TDRD15: variants seen among roughly 807,000 people sequenced by gnomAD.
TDRD15 encodes tudor domain-containing protein 15.
For synonymous variants in TDRD15, 503 were observed against 314.5 expected, an observed-to-expected ratio of 1.60 and a Z score of -6.34; for missense variants, 1,416 against 904.7, an observed-to-expected ratio of 1.57 and a Z score of -7.25.
Position 21,127,702 on chromosome 2 carries a change from T to G in TDRD15, c.-99T>G, listed in dbSNP as rs1249900982. On this transcript the variant is annotated 5_prime_UTR_variant, in exon 2 of 4. Coordinates refer to ENST00000405799, the MANE Select transcript of TDRD15 (RefSeq NM_001306137.2). ...GAGTGCTGTAACTTTATAATTAGTC[T>G]TAAACTCAGGTAAGCATAAGTTCTC... is the stretch of plus-strand genomic sequence containing the variant. 6.6e-6 allele frequency: 1 copy of G among 152,256 alleles called. No homozygotes were observed. Among genetic ancestry groups the G allele is most frequent in the African/African-American group, 2.4e-5 (1 of 41,484 alleles). 9.4% of individuals were successfully genotyped at this position (152,256 alleles called of 1,614,324 possible). A position where few individuals can be genotyped will look rare whatever the true frequency, so the allele number is the denominator to read the frequency against.
intron 2 of TDRD15, among the ~76,000 whole-genome samples, chr2:21,134,235 G>A (rs922385235): frequency 6.6e-6 from 1 of 151,842 alleles, no homozygotes; most frequent in African/African-American, 2.4e-5. Context: ...GAACTGTGAT[G>A]CTGTGTATTT....
chr2:21,146,753 A>G (rs1666037310), downstream of TDRD15, among the ~76,000 whole-genome samples: 1 of 152,124 alleles, frequency 6.6e-6, no homozygotes, highest in Non-Finnish European at 1.5e-5. Context: ...TATTTTAAAT[A>G]TGAAGTAACA....
intron 2 of TDRD15, among the ~76,000 whole-genome samples, chr2:21,132,010 A>G (rs1016276300): frequency 6.6e-6 from 1 of 152,126 alleles, no homozygotes; most frequent in African/African-American, 2.4e-5. Flanking sequence ...AGTTTTAATT[A>G]GAGTAGTCAG....
intron 1 of TDRD15, among the ~76,000 whole-genome samples, chr2:21,124,817 GGTGTGTGT>G (rs70939068): frequency 1.7e-5 from 2 of 115,798 alleles, no homozygotes; most frequent in Non-Finnish European, 3.5e-5. Flanking sequence ...CTAATGCCAG[GGTGTGTGT>G]GTGTGTGTGT....
downstream of TDRD15, among the ~76,000 whole-genome samples, chr2:21,146,105 A>G (rs913935786): frequency 6.6e-6 from 1 of 152,034 alleles, no homozygotes; most frequent in African/African-American, 2.4e-5. Context: ...AGGACTGTGG[A>G]TAACTTCCTG....
intron 2 of TDRD15, among the ~76,000 whole-genome samples, chr2:21,127,946 GT>G (rs1312367839): frequency 6.6e-6 from 1 of 151,982 alleles, no homozygotes; most frequent in East Asian, 1.9e-4. Flanking sequence ...GTGTTTTATA[GT>G]TTTAATTTTG....
intron 1 of TDRD15, among the ~76,000 whole-genome samples, chr2:21,126,652 T>G (rs1393230600): frequency 6.6e-6 from 1 of 152,140 alleles, no homozygotes; most frequent in African/African-American, 2.4e-5. Flanking sequence ...AGCATTCCTT[T>G]TTATTGTTGG....
chr2:21,126,685 C>A (rs376281085), intron 1 of TDRD15, among the ~76,000 whole-genome samples: 41 of 152,224 alleles, frequency 2.7e-4, no homozygotes, highest in East Asian at 1.5e-3. Context: ...TTATGCGTTA[C>A]GACTATTGTA....
rs1208793430 is a variant in TDRD15 at position 21,142,547 on chromosome 2, G to A, written c.5080G>A (p.Val1694Ile). The part of the protein sequence containing the change: ...LLLEYLNLNT[V>I]PVEENKLRLA... ...TTTGGAATACTTAAATTTGAATACAGTTCCTGTTGAAGAAAACAAACTTAG... is the reference window on the plus strand; with the variant it reads ...TTTGGAATACTTAAATTTGAATACAATTCCTGTTGAAGAAAACAAACTTAG... The change falls in exon 4 of 4, where the codon GTT becomes ATT. Residue 1694 changes from valine to isoleucine, a missense_variant. Physicochemically the swap from Val to Ile is conservative, Grantham distance 29 (BLOSUM62 3). Coordinates refer to ENST00000405799, the MANE Select transcript of TDRD15 (RefSeq NM_001306137.2). The A allele has an allele frequency of 1.4e-6, 1 of 706,300 alleles. No homozygotes were observed. Among genetic ancestry groups the A allele is most frequent in the East Asian group, 2.7e-5 (1 of 37,148 alleles). The allele number at this position is 706,300 out of a possible 1,614,324, so 43.8% of individuals were successfully genotyped here. A position where few individuals can be genotyped will look rare whatever the true frequency, so the allele number is the denominator to read the frequency against.
At chr2:21,133,468 A>G (rs1331406821) in intron 2 of TDRD15, among the ~76,000 whole-genome samples, 1 of 152,114 alleles carries the variant, frequency 6.6e-6, no homozygotes, top group African/African-American at 2.4e-5. Flanking sequence ...AAAGCAGTGG[A>G]AATGAAATAA....
chr2:21,135,633 A>G (rs552034649), intron 3 of TDRD15, among the ~76,000 whole-genome samples: 2 of 152,202 alleles, frequency 1.3e-5, no homozygotes, highest in Non-Finnish European at 2.9e-5. Context: ...TTCTTTAGGC[A>G]AAGTAGATGT....
intron 1 of TDRD15, among the ~76,000 whole-genome samples, chr2:21,125,275 TG>T (rs34326968): frequency 0.31 from 47,402 of 151,488 alleles, 8,829 homozygotes; most frequent in South Asian, 0.58. Context: ...TTCTAGCGTC[TG>T]TGTGTGAGAG....
chr2:21,133,352 T>C (rs1665754164), intron 2 of TDRD15, among the ~76,000 whole-genome samples: 2 of 152,184 alleles, frequency 1.3e-5, no homozygotes, highest in African/African-American at 4.8e-5. Flanking sequence ...CCCAGAATGG[T>C]GCTTTGCTTG....
At chr2:21,147,117 A>G (rs986888942), downstream of TDRD15, among the ~76,000 whole-genome samples, 1 of 152,150 alleles carries the variant, frequency 6.6e-6, no homozygotes, top group Non-Finnish European at 1.5e-5. Context: ...AAATATAATC[A>G]TCCTGATAAA....
At position 21,139,040 on chromosome 2, in the gene TDRD15, G is replaced by T. The variant is rs1450987784; in HGVS notation, c.1573G>T (p.Asp525Tyr). ...CAAATTTTATGATTTGTGTGAAAACGATGAAATGATTCTAAGAAAACCTGA... is the reference window on the plus strand; with the variant it reads ...CAAATTTTATGATTTGTGTGAAAACTATGAAATGATTCTAAGAAAACCTGA... The part of the protein sequence containing the change: ...INKFYDLCEN[D>Y]EMILRKPEPG... Residue 525 changes from aspartate (D) to tyrosine (Y), a missense_variant, in exon 4 of 4, where the codon GAT becomes TAT. Transcript: ENST00000405799. 3 of 714,378 alleles carry T rather than the reference G, an allele frequency of 4.2e-6. No homozygotes were observed. Among genetic ancestry groups the T allele is most frequent in the Admixed American group, 2.0e-5 (1 of 49,580 alleles). 44.3% of individuals were successfully genotyped at this position (714,378 alleles called of 1,614,324 possible).
rs758339928 is a variant in TDRD15 at position 21,138,129 on chromosome 2, A to T, written c.662A>T (p.Asp221Val). ...KRPELSLGNK[D>V]TSLDIQHVLD... ...CCTGAATTGTCATTAGGTAATAAAGATACTTCACTTGATATTCAGCATGTT... is the reference window on the plus strand; with the variant it reads ...CCTGAATTGTCATTAGGTAATAAAGTTACTTCACTTGATATTCAGCATGTT... The change falls in exon 4 of 4, where the codon GAT becomes GTT. Residue 221 changes from aspartate (D) to valine (V), a missense_variant. Transcript: ENST00000405799. 31 of 716,512 alleles carry T rather than the reference A, an allele frequency of 4.3e-5. No homozygotes were observed. Among genetic ancestry groups the T allele is most frequent in the Non-Finnish European group, 7.0e-5 (27 of 384,464 alleles). 44.4% of individuals were successfully genotyped at this position (716,512 alleles called of 1,614,324 possible).
In TDRD15 at chr2:21,143,261, A is replaced by G; in HGVS notation, c.5794A>G (p.Asn1932Asp). 1 of 582,764 alleles carries G rather than the reference A, an allele frequency of 1.7e-6. No homozygotes were observed. The highest frequency in any genetic ancestry group is 2.9e-5 in the East Asian group (1 of 34,156). 36.1% of individuals were successfully genotyped at this position (582,764 alleles called of 1,614,324 possible). A position where few individuals can be genotyped will look rare whatever the true frequency, so the allele number is the denominator to read the frequency against. The part of the protein sequence containing the change: ...DAITATESAK[N>D]PI ...AATTACTGCTACTGAATCTGCTAAA[A>G]ATCCAATATAAATTACAAAGTAAGC... is the stretch of plus-strand genomic sequence containing the variant. The change falls in exon 4 of 4, where the codon AAT (asparagine) becomes GAT (aspartate). Residue 1932 changes from asparagine (N) to aspartate (D), a missense_variant. By Grantham distance (23) the Asn-to-Asp change is conservative. Coordinates refer to ENST00000405799, the MANE Select transcript of TDRD15 (RefSeq NM_001306137.2).
chr2:21,143,634 A>G lies in TDRD15; in HGVS notation c.*362A>G, dbSNP rs1665982445. ...ATAAGACAATGAACTTGAGAACAGC[A>G]GTAAAAACATTGCATGATAATAAAA... On this transcript the variant is annotated 3_prime_UTR_variant, in exon 4 of 4. Transcript: ENST00000405799. Among the ~76,000 whole-genome samples, 1 of 151,706 alleles carries G rather than the reference A, an allele frequency of 6.6e-6. No homozygotes were observed. Among genetic ancestry groups the G allele is most frequent in the Admixed American group, 6.6e-5 (1 of 15,184 alleles).
At position 21,140,881 on chromosome 2, in the gene TDRD15, G is replaced by C; in HGVS notation, c.3414G>C (p.Leu1138Phe). ...ATATAAATGAGAAAATTAAAGTGTT[G>C]CTTCATGCTTATGGAAAAAGACATT... ...SQYINEKIKV[L>F]LHAYGKRHCD... Residue 1138 changes from leucine to phenylalanine, a missense_variant, in exon 4 of 4, where the codon TTG (leucine) becomes TTC (phenylalanine). Transcript: ENST00000405799. 1 of 709,386 alleles carries C rather than the reference G, an allele frequency of 1.4e-6. No homozygotes were observed. The highest frequency in any genetic ancestry group is 2.7e-5 in the East Asian group (1 of 37,216). 43.9% of individuals were successfully genotyped at this position (709,386 alleles called of 1,614,324 possible).
Sources: gnomAD v4.1 joint callset for allele counts (sites outside exome capture counted in the v4.1 genomes callset) on GRCh38, gnomAD v4.1.1 for gene constraint, MANE v1.5 for transcripts, NCBI Gene and HGNC (gene_info 2026-07-23, HGNC 2026-07-21) for gene names.